The following CACNG3 variants were observed in gnomAD, a reference collection of about 807,000 sequenced individuals.
CACNG3 encodes voltage-dependent calcium channel gamma-3 subunit.
In CACNG3, 3 loss-of-function variants were observed where a neutral mutation model predicts 28.5. The observed-to-expected ratio is 0.11, with a 90% CI of 0.05 to 0.27. CACNG3 has a LOEUF of 0.27. Ranked by LOEUF, CACNG3 falls within the 10% of genes least tolerant of loss-of-function variation. The pLI is 1.00. For synonymous variants in CACNG3, 174 were observed against 162.2 expected, an observed-to-expected ratio of 1.07 and a Z score of -0.55; for missense variants, 236 against 414.4, an observed-to-expected ratio of 0.57 and a Z score of 3.74.
intron 1 of CACNG3, among the ~76,000 whole-genome samples, chr16:24,257,823 C>T (rs755051575): frequency 4.6e-5 from 7 of 152,128 alleles, no homozygotes; most frequent in Non-Finnish European, 7.3e-5. Context: ...GAAGAAAGAG[C>T]AATTTAAAAA....
chr16:24,346,203 C>T (rs1596650706), intron 1 of CACNG3, among the ~76,000 whole-genome samples: 1 of 152,290 alleles, frequency 6.6e-6, no homozygotes, highest in East Asian at 1.9e-4. Flanking sequence ...ATCTAAAAAG[C>T]AGCAAATTTC....
intron 1 of CACNG3, among the ~76,000 whole-genome samples, chr16:24,335,080 G>C (rs983619062): frequency 6.6e-6 from 1 of 152,152 alleles, no homozygotes; most frequent in South Asian, 2.1e-4. Flanking sequence ...TCAGGGTCTA[G>C]GGTTAGACAG....
intron 1 of CACNG3, among the ~76,000 whole-genome samples, chr16:24,262,364 T>G (rs192799266): frequency 6.6e-6 from 1 of 152,316 alleles, no homozygotes; most frequent in East Asian, 1.9e-4. Flanking sequence ...GTTTGAGGGT[T>G]GAGTCAGGAT....
At chr16:24,323,994 C>T (rs1899501149) in intron 1 of CACNG3, among the ~76,000 whole-genome samples, 1 of 152,190 alleles carries the variant, frequency 6.6e-6, no homozygotes, top group African/African-American at 2.4e-5. Context: ...TCTCGAATTC[C>T]TGACCTCAGG....
At chr16:24,329,792 T>A (rs548487278) in intron 1 of CACNG3, among the ~76,000 whole-genome samples, 4 of 152,322 alleles carry the variant, frequency 2.6e-5, no homozygotes, top group African/African-American at 9.6e-5. Context: ...CCCAACACTT[T>A]GGGAGGCCAA....
chr16:24,268,189 G>A (rs1596621294), intron 1 of CACNG3, among the ~76,000 whole-genome samples: 2 of 152,292 alleles, frequency 1.3e-5, no homozygotes, highest in Middle Eastern at 3.4e-3. Flanking sequence ...CTCATTAACT[G>A]TATTCTGGGC....
At chr16:24,336,573 C>G (rs1567221834) in intron 1 of CACNG3, among the ~76,000 whole-genome samples, 1 of 139,566 alleles carries the variant, frequency 7.2e-6, no homozygotes, top group South Asian at 2.3e-4. Context: ...CTGTGCCCAG[C>G]CAATCATTAA....
At chr16:24,265,851 G>A (rs151243251) in intron 1 of CACNG3, among the ~76,000 whole-genome samples, 2 of 152,204 alleles carry the variant, frequency 1.3e-5, no homozygotes, top group East Asian at 3.9e-4. Context: ...GGCCTGCAAA[G>A]CCTGAAATAT....
intron 1 of CACNG3, among the ~76,000 whole-genome samples, chr16:24,303,206 G>C (rs71391557): frequency 6.6e-6 from 1 of 151,866 alleles, no homozygotes; most frequent in Admixed American, 6.6e-5. Flanking sequence ...CACATTCCTC[G>C]CTGTCTCCTC....
chr16:24,330,664 A>C (rs1899620315), intron 1 of CACNG3, among the ~76,000 whole-genome samples: 1 of 152,154 alleles, frequency 6.6e-6, no homozygotes, highest in Admixed American at 6.5e-5. Context: ...ATGCAAGTGG[A>C]CTCAATTTTT....
At chr16:24,261,317 G>T (rs912778298) in intron 1 of CACNG3, among the ~76,000 whole-genome samples, 7 of 152,174 alleles carry the variant, frequency 4.6e-5, no homozygotes, top group Non-Finnish European at 8.8e-5. Flanking sequence ...GAGGACTGTG[G>T]CAAACTGGAA....
chr16:24,319,243 T>C (rs1899425185), intron 1 of CACNG3, among the ~76,000 whole-genome samples: 1 of 152,190 alleles, frequency 6.6e-6, no homozygotes, highest in African/African-American at 2.4e-5. Context: ...CATAGTGAAC[T>C]ATGCGCATAT....
chr16:24,360,428 C>G (rs919705729), intron 3 of CACNG3, among the ~76,000 whole-genome samples: 3 of 152,170 alleles, frequency 2.0e-5, no homozygotes, highest in Non-Finnish European at 4.4e-5. Flanking sequence ...GCAAGCCTCG[C>G]CCGTTGGAGG....
intron 2 of CACNG3, among the ~76,000 whole-genome samples, chr16:24,348,152 C>A (rs1899894624): frequency 6.6e-6 from 1 of 152,072 alleles, no homozygotes; most frequent in South Asian, 2.1e-4. Flanking sequence ...AATCTCAGCA[C>A]TTTAGGAGGC....
intron 1 of CACNG3, among the ~76,000 whole-genome samples, chr16:24,269,391 C>T (rs1898654853): frequency 6.6e-6 from 1 of 152,078 alleles, no homozygotes; most frequent in South Asian, 2.1e-4. Flanking sequence ...ATAATATCTC[C>T]TATAATTCCA....
chr16:24,281,465 C>T (rs1898826533), intron 1 of CACNG3, among the ~76,000 whole-genome samples: 1 of 152,118 alleles, frequency 6.6e-6, no homozygotes, highest in Non-Finnish European at 1.5e-5. Flanking sequence ...CTACCTTAGC[C>T]TTCCAAAGTG....
intron 1 of CACNG3, among the ~76,000 whole-genome samples, chr16:24,293,311 G>C (rs916509584): frequency 1.3e-5 from 2 of 152,086 alleles, no homozygotes; most frequent in African/African-American, 4.8e-5. Context: ...GGAGAGGATG[G>C]GTCTAGATGA....
chr16:24,343,196 A>G (rs1899814348), intron 1 of CACNG3, among the ~76,000 whole-genome samples: 1 of 152,060 alleles, frequency 6.6e-6, no homozygotes, highest in Admixed American at 6.5e-5. Context: ...CCTAAAAAAC[A>G]AACAAACAAC....
chr16:24,317,147 G>A (rs1225149865), intron 1 of CACNG3, among the ~76,000 whole-genome samples: 1 of 152,122 alleles, frequency 6.6e-6, no homozygotes, highest in East Asian at 1.9e-4. Flanking sequence ...CATGCTAGGT[G>A]CTTTATATTA....
Sources: gnomAD v4.1 joint callset for allele counts (sites outside exome capture counted in the v4.1 genomes callset) on GRCh38, gnomAD v4.1.1 for gene constraint, MANE v1.5 for transcripts, NCBI Gene and HGNC (gene_info 2026-07-23, HGNC 2026-07-21) for gene names.